The following OSBPL10 variants were observed in gnomAD, a reference collection of about 807,000 sequenced individuals.
The protein encoded by OSBPL10 is oxysterol-binding protein-related protein 10.
In OSBPL10, 49 loss-of-function variants were observed where a neutral mutation model predicts 81.7. That is an observed-to-expected ratio of 0.60 (90% CI 0.48 to 0.76). The LOEUF (loss-of-function observed/expected upper bound fraction) is 0.76, where lower values mean the gene tolerates loss of function less well. Among genes scored for constraint, OSBPL10 ranks in the 30% least tolerant of loss-of-function variants. OSBPL10 has a pLI of 0.00. For synonymous variants in OSBPL10, 419 were observed against 383.6 expected (o/e 1.09, Z -1.08); for missense variants, 923 against 987.8 (o/e 0.93, Z 0.88).
chr3:31,878,319 T>C (rs1346868346), intron 2 of OSBPL10, among the ~76,000 whole-genome samples: 1 of 152,226 alleles, frequency 6.6e-6, no homozygotes, highest in Non-Finnish European at 1.5e-5. Context: ...ACGTTTTTCG[T>C]CTGCTATTGT....
intron 1 of OSBPL10, among the ~76,000 whole-genome samples, chr3:31,903,238 T>C (rs984652716): frequency 2.6e-5 from 4 of 151,816 alleles, no homozygotes; most frequent in African/African-American, 7.3e-5. Flanking sequence ...TTATAGAGAA[T>C]AGAGAAGGCA....
In OSBPL10 at chr3:31,926,289, G is replaced by GCCCCCCCCCCC. The variant is rs36122261; in HGVS notation, c.282-46460_282-46459insGGGGGGGGGGG. Among the ~76,000 whole-genome samples the GCCCCCCCCCCC allele has an allele frequency of 5.4e-5, 7 of 130,188 alleles. 1 individual carries two copies. Among genetic ancestry groups the GCCCCCCCCCCC allele is most frequent in the African/African-American group, 1.2e-4 (4 of 32,308 alleles). The allele number at this position is 130,188 out of a possible 152,430, so 85.4% of individuals were successfully genotyped here. On this transcript the variant is annotated intron_variant, in intron 1 of 11. Coordinates refer to ENST00000396556, the MANE Select transcript of OSBPL10 (RefSeq NM_017784.5). Reference sequence around the variant, plus strand: ...GTGGTTCTCAACCATGGGTGATTTTGCCCCCCCAGAGGATAGCTGCAATGT... The same window carrying GCCCCCCCCCCC: ...GTGGTTCTCAACCATGGGTGATTTTGCCCCCCCCCCCCCCCCCCAGAGGATAGCTGCAATGT...
intron 1 of OSBPL10, among the ~76,000 whole-genome samples, chr3:31,971,123 T>C (rs1028078317): frequency 2.7e-5 from 3 of 110,270 alleles, no homozygotes; most frequent in African/African-American, 1.2e-4. Context: ...TTTTTTTCTG[T>C]TTTTTTTTCT....
intron 2 of OSBPL10, among the ~76,000 whole-genome samples, chr3:32,045,322 T>C (rs1285188839): frequency 6.6e-6 from 1 of 152,228 alleles, no homozygotes; most frequent in African/African-American, 2.4e-5. Flanking sequence ...AGGAGCTAGA[T>C]TACACTAATG....
At chr3:31,873,196 C>T (rs1435365838) in intron 3 of OSBPL10, among the ~76,000 whole-genome samples, 1 of 151,886 alleles carries the variant, frequency 6.6e-6, no homozygotes, top group Non-Finnish European at 1.5e-5. Flanking sequence ...TTATTGTATG[C>T]AAATTATACT....
Position 31,683,961 on chromosome 3 carries a change from GA to G in OSBPL10, c.1398del (p.His467ThrfsTer8). ...GCTAAAGCGCCCTTGCGGCCCTCGTGAAAGGCTGTGAGATAATACTCAACGA... is the reference window on the plus strand; with the variant it reads ...GCTAAAGCGCCCTTGCGGCCCTCGTGAAGGCTGTGAGATAATACTCAACGA... Reference protein sequence around the residue: ...ICFVEYYLTAFHEGRKGALAK... With the variant: ...ICFVEYYLTAXHEGRKGALAK... On this transcript the variant is annotated frameshift_variant, in exon 8 of 12. Coordinates refer to ENST00000396556, the MANE Select transcript of OSBPL10 (RefSeq NM_017784.5). LOFTEE classifies it high-confidence loss of function. The G allele has an allele frequency of 6.2e-7, 1 of 1,614,270 alleles. No homozygotes were observed. Among genetic ancestry groups the G allele is most frequent in the Non-Finnish European group, 8.5e-7 (1 of 1,180,052 alleles).
chr3:31,705,165 A>C (rs577198532), intron 6 of OSBPL10, among the ~76,000 whole-genome samples: 132 of 152,318 alleles, frequency 8.7e-4, no homozygotes, highest in African/African-American at 3.1e-3. Flanking sequence ...CCCTAACCTT[A>C]AACAAGGACC....
chr3:32,052,577 G>C (rs890528227), intron 1 of OSBPL10, among the ~76,000 whole-genome samples: 13 of 152,174 alleles, frequency 8.5e-5, no homozygotes, highest in African/African-American at 3.1e-4. Context: ...AGATAGACTA[G>C]ATAAAAAAAA....
intron 3 of OSBPL10, 49 bp from the exon 4 acceptor site, chr3:31,830,280 C>A: frequency 1.9e-6 from 3 of 1,539,570 alleles, no homozygotes; most frequent in Non-Finnish European, 2.6e-6. Context: ...CTGCAGAACA[C>A]AACTAAGTGT....
In OSBPL10 at chr3:31,748,131, A is replaced by G. The variant is rs1697591503; in HGVS notation, c.730-11T>C. ...CACCTGGTTCATCATCTACAAAACA[A>G]GAAGACAGTAAGGAGGTGAGGGGCG... On this transcript the variant is annotated splice_polypyrimidine_tract_variant and intron_variant, in intron 4 of 11. Transcript: ENST00000396556. 1 of 1,605,192 alleles carries G rather than the reference A, an allele frequency of 6.2e-7. No homozygotes were observed. The highest frequency in any genetic ancestry group is 8.5e-7 in the Non-Finnish European group (1 of 1,175,400).
intron 1 of OSBPL10, among the ~76,000 whole-genome samples, chr3:31,957,706 T>A: frequency 6.6e-6 from 1 of 152,216 alleles, no homozygotes; most frequent in African/African-American, 2.4e-5. Context: ...AGTGGTGCAA[T>A]CTCGGCTCAC....
intron 1 of OSBPL10, among the ~76,000 whole-genome samples, chr3:31,930,406 A>G (rs1268238619): frequency 6.6e-6 from 1 of 152,210 alleles, no homozygotes; most frequent in Non-Finnish European, 1.5e-5. Context: ...CAATTAGGCA[A>G]CATATATCAA....
At chr3:32,035,014 C>A (rs1291172026) in intron 2 of OSBPL10, among the ~76,000 whole-genome samples, 2 of 152,098 alleles carry the variant, frequency 1.3e-5, no homozygotes, top group Non-Finnish European at 2.9e-5. Context: ...TTTCCCATAA[C>A]TGTTAACTGA....
chr3:31,767,141 A>G (rs1698225941), intron 4 of OSBPL10, among the ~76,000 whole-genome samples: 1 of 152,226 alleles, frequency 6.6e-6, no homozygotes, highest in Admixed American at 6.5e-5. Context: ...TGTGGAAATT[A>G]AAATTACCAC....
intron 7 of OSBPL10, among the ~76,000 whole-genome samples, chr3:31,698,895 T>G (rs1355370198): frequency 6.6e-6 from 1 of 152,182 alleles, no homozygotes; most frequent in African/African-American, 2.4e-5. Flanking sequence ...CATCTCCTTT[T>G]CTTTTCCCTC....
intron 3 of OSBPL10, among the ~76,000 whole-genome samples, chr3:31,853,913 C>G (rs72850557): frequency 0.016 from 2,414 of 152,242 alleles, 53 homozygotes; most frequent in African/African-American, 0.055. Flanking sequence ...TTATTTATAA[C>G]GTTTCAGGGT....
intron 5 of OSBPL10, among the ~76,000 whole-genome samples, chr3:31,743,123 C>G (rs1429443818): frequency 6.7e-6 from 1 of 148,220 alleles, no homozygotes; most frequent in Non-Finnish European, 1.5e-5. Context: ...TCACTGCAAC[C>G]TCCACCTCCA....
intron 6 of OSBPL10, among the ~76,000 whole-genome samples, chr3:31,727,780 C>T (rs7616829): frequency 0.017 from 2,550 of 152,216 alleles, 60 homozygotes; most frequent in African/African-American, 0.058. Flanking sequence ...CATCCCACAC[C>T]GGATACATCC....
At chr3:32,039,116 G>C (rs1180360224) in intron 2 of OSBPL10, among the ~76,000 whole-genome samples, 1 of 151,796 alleles carries the variant, frequency 6.6e-6, no homozygotes, top group African/African-American at 2.4e-5. Context: ...AAGAGGTCAG[G>C]AGTTCAAGAC....
Sources: gnomAD v4.1 joint callset for allele counts (sites outside exome capture counted in the v4.1 genomes callset) on GRCh38, gnomAD v4.1.1 for gene constraint, MANE v1.5 for transcripts, NCBI Gene and HGNC (gene_info 2026-07-23, HGNC 2026-07-21) for gene names.